PCNX1: variants seen among roughly 807,000 people sequenced by gnomAD.
PCNX1 encodes pecanex 1.
A neutral mutation model predicts 242.2 loss-of-function variants in PCNX1; 78 were observed. The observed-to-expected ratio is 0.32, with a 90% CI of 0.27 to 0.39. The LOEUF (loss-of-function observed/expected upper bound fraction) is 0.39, where lower values mean the gene tolerates loss of function less well. Among genes scored for constraint, PCNX1 ranks in the 10% least tolerant of loss-of-function variants. The probability of loss-of-function intolerance (pLI) is 1.00; values close to 1 mark genes in which losing one functional copy is unlikely to be tolerated. For synonymous variants in PCNX1, 1,024 were observed against 1,032.9 expected (o/e 0.99, Z 0.17); for missense variants, 2,581 against 2,856.5 (o/e 0.90, Z 2.20).
chr14:70,978,945 A>C (rs1018804207), intron 6 of PCNX1, among the ~76,000 whole-genome samples: 1 of 152,178 alleles, frequency 6.6e-6, no homozygotes, highest in African/African-American at 2.4e-5. Flanking sequence ...AATAACAAAA[A>C]TTAGCCCTCT....
intron 30 of PCNX1, among the ~76,000 whole-genome samples, chr14:71,096,188 T>C (rs1183349829): frequency 2.6e-5 from 4 of 152,110 alleles, no homozygotes; most frequent in African/African-American, 9.7e-5. Flanking sequence ...CGTGGCAGTG[T>C]GTGCCTGTAA....
chr14:70,916,866 C>G (rs1566563452), intron 1 of PCNX1, among the ~76,000 whole-genome samples: 1 of 152,160 alleles, frequency 6.6e-6, no homozygotes, highest in Non-Finnish European at 1.5e-5. Context: ...TAGCGTTTTA[C>G]CCACAGTAAA....
At chr14:71,078,182 T>C (rs566127156) in intron 28 of PCNX1, among the ~76,000 whole-genome samples, 26 of 152,362 alleles carry the variant, frequency 1.7e-4, no homozygotes, top group Non-Finnish European at 1.5e-5. Context: ...GTTGTATTTT[T>C]CCAGCTATAT....
chr14:70,948,043 C>A (rs986666485), intron 2 of PCNX1, among the ~76,000 whole-genome samples: 11 of 152,196 alleles, frequency 7.2e-5, no homozygotes, highest in African/African-American at 2.4e-4. Flanking sequence ...CAGACTGGTT[C>A]TCTGCTCTTG....
At chr14:70,918,765 T>G (rs1226741125) in intron 1 of PCNX1, among the ~76,000 whole-genome samples, 1 of 152,246 alleles carries the variant, frequency 6.6e-6, no homozygotes, top group Non-Finnish European at 1.5e-5. Context: ...AATTTAAATC[T>G]CTGTCAACAG....
At chr14:70,970,227 A>G (rs1190135552) in intron 5 of PCNX1, among the ~76,000 whole-genome samples, 26 of 151,532 alleles carry the variant, frequency 1.7e-4, no homozygotes, top group Non-Finnish European at 1.5e-5. Flanking sequence ...TTACCCGGGC[A>G]TGATGGTGTG....
chr14:71,003,321 C>T (rs1475432911), intron 8 of PCNX1, among the ~76,000 whole-genome samples: 5 of 152,020 alleles, frequency 3.3e-5, no homozygotes, highest in East Asian at 3.9e-4. Context: ...GAACTCCTGA[C>T]GTCAGGTGAT....
At chr14:71,008,691 T>C (rs1035667491) in intron 8 of PCNX1, among the ~76,000 whole-genome samples, 3 of 149,596 alleles carry the variant, frequency 2.0e-5, no homozygotes, top group East Asian at 3.9e-4. Flanking sequence ...AAGGGATTCC[T>C]GTTTTTAACC....
intron 16 of PCNX1, chr14:71,031,765 T>G: frequency 7.3e-7 from 1 of 1,361,348 alleles, no homozygotes; most frequent in Non-Finnish European, 1.0e-6. Context: ...TTTGGGAAAC[T>G]TCTCAGCCTC....
rs2529651 is a variant in PCNX1, at chr14:71,005,654, C to G, written c.2630-3980C>G. 3.7e-3 allele frequency among the ~76,000 whole-genome samples: 564 copies of G among 152,252 alleles called. 2 individuals are homozygous for G. The highest frequency in any genetic ancestry group is 0.013 in the African/African-American group (542 of 41,540). On this transcript the variant is annotated intron_variant, in intron 8 of 35. Coordinates refer to ENST00000304743, the MANE Select transcript of PCNX1 (RefSeq NM_014982.3). Reference sequence around the variant, plus strand: ...AGAGAATCCCATTCATTTCCCATGTCTTTTATCAGTGTCTTGTGAATGTTT... The same window carrying G: ...AGAGAATCCCATTCATTTCCCATGTGTTTTATCAGTGTCTTGTGAATGTTT...
chr14:71,032,785 A>G (rs1401460166), intron 16 of PCNX1, among the ~76,000 whole-genome samples: 2 of 152,190 alleles, frequency 1.3e-5, no homozygotes, highest in African/African-American at 2.4e-5. Context: ...TATCATGCTG[A>G]TAGACTCCAG....
intron 2 of PCNX1, among the ~76,000 whole-genome samples, chr14:70,959,405 G>C (rs1458238167): frequency 8.6e-6 from 1 of 115,854 alleles, no homozygotes; most frequent in African/African-American, 3.5e-5. Context: ...ACAGTCCCCA[G>C]AGTGTGATGT....
At chr14:71,087,232 G>A (rs765399221) in intron 28 of PCNX1, among the ~76,000 whole-genome samples, 13 of 151,698 alleles carry the variant, frequency 8.6e-5, no homozygotes, top group Non-Finnish European at 1.9e-4. Context: ...TTGTAACCTG[G>A]ACCCAAATTT....
In PCNX1 at chr14:70,964,566, T is replaced by C. The variant is rs138454050; in HGVS notation, c.468+2235T>C. Among the ~76,000 whole-genome samples, 721 of 152,322 alleles carry C rather than the reference T, an allele frequency of 4.7e-3. 7 individuals carry two copies. The highest frequency in any genetic ancestry group is 0.017 in the African/African-American group (689 of 41,562). On this transcript the variant is annotated intron_variant, in intron 3 of 35. Transcript: ENST00000304743. ...TCTTCTTATTGACAGACGTAGGTAGTATCAGACCCCCAGAGAGTAAGCCTA... is the reference window on the plus strand; with the variant it reads ...TCTTCTTATTGACAGACGTAGGTAGCATCAGACCCCCAGAGAGTAAGCCTA...
chr14:70,911,286 C>T (rs748411737), intron 1 of PCNX1, among the ~76,000 whole-genome samples: 54 of 152,214 alleles, frequency 3.5e-4, no homozygotes, highest in Admixed American at 9.2e-4. Context: ...TTATTCCCCC[C>T]CAAAAAGTGC....
intron 6 of PCNX1, among the ~76,000 whole-genome samples, chr14:70,985,317 T>C (rs947893653): frequency 6.6e-6 from 1 of 152,104 alleles, no homozygotes; most frequent in Admixed American, 6.5e-5. Flanking sequence ...TGGGTTCAAG[T>C]GATTCTCCTG....
intron 27 of PCNX1, among the ~76,000 whole-genome samples, chr14:71,075,317 C>G (rs1018942986): frequency 3.9e-5 from 6 of 151,978 alleles, no homozygotes; most frequent in African/African-American, 1.2e-4. Context: ...TGTGTTGTTA[C>G]CTCTCCTCAC....
intron 20 of PCNX1, 122 bp downstream of exon 20, chr14:71,045,405 A>G: frequency 1.4e-6 from 1 of 716,266 alleles, no homozygotes; most frequent in Non-Finnish European, 2.2e-6. Flanking sequence ...TCTTTTGCTT[A>G]AGTTTGAAGC....
Position 71,110,793 on chromosome 14 carries a change from G to A in PCNX1, c.*858G>A, listed in dbSNP as rs765713141. ...TGTGAACACCACTGCCAGCTCCTGTGTCTACATCTCAGAGGAGCCCATGTG... is the reference window on the plus strand; with the variant it reads ...TGTGAACACCACTGCCAGCTCCTGTATCTACATCTCAGAGGAGCCCATGTG... On this transcript the variant is annotated 3_prime_UTR_variant, in exon 36 of 36. Transcript: ENST00000304743. 2.6e-5 allele frequency: 4 copies of A among 152,724 alleles called. No individual in the cohort carries two copies. The highest frequency in any genetic ancestry group is 4.4e-5 in the Non-Finnish European group (3 of 68,060). 9.5% of individuals were successfully genotyped at this position (152,724 alleles called of 1,614,324 possible).
Sources: allele counts gnomAD v4.1 joint callset (sites outside exome capture counted in the v4.1 genomes callset), GRCh38; gene constraint gnomAD v4.1.1; transcripts MANE v1.5; gene names NCBI Gene and HGNC (gene_info 2026-07-23, HGNC 2026-07-21).